The following MTRR variants were observed in gnomAD, a reference collection of about 807,000 sequenced individuals.
The protein encoded by MTRR is 5-methyltetrahydrofolate-homocysteine methyltransferase reductase, also known as methionine synthase reductase.
MTRR carries 63 observed loss-of-function variants against 79.2 expected under a neutral mutation model. The ratio of observed to expected loss-of-function variants is 0.80; its 90% CI spans 0.65 to 0.98. MTRR has a LOEUF of 0.98. Ranked by LOEUF, MTRR falls within the 50% of genes least tolerant of loss-of-function variation. The pLI, the probability that MTRR is intolerant of heterozygous loss-of-function variation, is 0.00. For missense variants in MTRR, 895 were observed against 839.6 expected (o/e 1.07, Z -0.82); for synonymous variants, 355 against 313.3 (o/e 1.13, Z -1.41).
rs747851597 is a variant in MTRR, at chr5:7,885,706, A to G, written c.909A>G (p.Thr303=). 6 of 1,613,228 alleles carry G rather than the reference A, an allele frequency of 3.7e-6. No homozygotes were observed. The highest frequency in any genetic ancestry group is 5.1e-6 in the Non-Finnish European group (6 of 1,179,764). Reference sequence around the variant, plus strand: ...TCATTTTGGCTCTTCTCTAGAATACAGACTTTTCCTATCAGCCTGGAGATG... The same window carrying G: ...TCATTTTGGCTCTTCTCTAGAATACGGACTTTTCCTATCAGCCTGGAGATG... ...TLLVELDISN[T]DFSYQPGDAF... Residue 303 remains threonine (T), a synonymous_variant, in exon 7 of 15, where the codon ACA becomes ACG. Coordinates refer to ENST00000440940, the MANE Select transcript of MTRR (RefSeq NM_002454.3).
chr5:7,889,277 T>C lies in MTRR; in HGVS notation c.1327+2T>C. On this transcript the variant is annotated splice_donor_variant, in intron 9 of 14. Coordinates refer to ENST00000440940, the MANE Select transcript of MTRR (RefSeq NM_002454.3). LOFTEE classifies it high-confidence loss of function. The stretch of plus-strand genomic sequence containing the variant: ...AGCCACCACTCAGTCTCCTGCTCGG[T>C]GAGTAGTCGCTTTCACAAGCACCTT... 6.2e-7 allele frequency: 1 copy of C among 1,612,478 alleles called. No individual in the cohort carries two copies. Among genetic ancestry groups the C allele is most frequent in the Non-Finnish European group, 8.5e-7 (1 of 1,179,988 alleles).
chr5:7,868,085 C>T (rs371947698), upstream of MTRR: 3 of 1,564,482 alleles, frequency 1.9e-6, no homozygotes, highest in Non-Finnish European at 2.6e-6. Flanking sequence ...TAATGCCATA[C>T]CATCAGATTC....
intron 14 of MTRR, among the ~76,000 whole-genome samples, chr5:7,898,822 C>G (rs1005737473): frequency 2.6e-5 from 4 of 152,170 alleles, no homozygotes; most frequent in African/African-American, 9.7e-5. Context: ...CAGCAAACAC[C>G]TGAGTGCTGG....
chr5:7,873,017 A>G (rs761245623), intron 2 of MTRR, among the ~76,000 whole-genome samples: 16 of 151,862 alleles, frequency 1.1e-4, no homozygotes, highest in Non-Finnish European at 1.8e-4. Flanking sequence ...ACTATATCCT[A>G]TTTCCTCTGA....
chr5:7,854,792 A>T (rs911986429), intron 1 of MTRR, among the ~76,000 whole-genome samples: 9 of 152,326 alleles, frequency 5.9e-5, no homozygotes, highest in African/African-American at 2.2e-4. Context: ...AGGAGCAAGG[A>T]GGCCAGTCTG....
chr5:7,871,100 T>A (rs1238355416), intron 2 of MTRR, among the ~76,000 whole-genome samples, 177 bp downstream of exon 2: 1 of 152,160 alleles, frequency 6.6e-6, no homozygotes, highest in Admixed American at 6.5e-5. Flanking sequence ...TATAGAAGTG[T>A]GTAGTTGAAT....
In MTRR at chr5:7,875,394, G is replaced by A; in HGVS notation, c.401+19G>A. 6.4e-7 allele frequency: 1 copy of A among 1,553,442 alleles called. No individual in the cohort carries two copies. Among genetic ancestry groups the A allele is most frequent in the Non-Finnish European group, 8.9e-7 (1 of 1,124,672 alleles). ...GTGTAGGGTAAGGGCAGTGTTCTCTGTTTACTCCAATAAGCCCTCTATACA... is the reference window on the plus strand; with the variant it reads ...GTGTAGGGTAAGGGCAGTGTTCTCTATTTACTCCAATAAGCCCTCTATACA... On this transcript the variant is annotated intron_variant, in intron 4 of 14. Coordinates refer to ENST00000440940, the MANE Select transcript of MTRR (RefSeq NM_002454.3).
chr5:7,855,742 T>C (rs1004705672), intron 1 of MTRR, among the ~76,000 whole-genome samples: 4 of 152,216 alleles, frequency 2.6e-5, no homozygotes, highest in African/African-American at 9.7e-5. Context: ...GTTATTAAGA[T>C]TGTTTCTTGT....
chr5:7,888,430 T>G (rs2126766412), intron 8 of MTRR, among the ~76,000 whole-genome samples: 1 of 152,354 alleles, frequency 6.6e-6, no homozygotes, highest in South Asian at 2.1e-4. Context: ...GATGTTTTTA[T>G]TATCTTGCCA....
upstream of MTRR, chr5:7,866,840 A>G (rs1246072531): frequency 2.5e-6 from 4 of 1,613,974 alleles, no homozygotes; most frequent in Non-Finnish European, 3.4e-6. Context: ...GAGTTTCCCA[A>G]ATGGTTCCAT....
intron 1 of MTRR, chr5:7,861,141 A>G (rs762161933): frequency 5.8e-6 from 9 of 1,540,518 alleles, no homozygotes; most frequent in South Asian, 2.3e-5. Context: ...AAATAGGTGA[A>G]ACCGTACCTG....
intron 1 of MTRR, among the ~76,000 whole-genome samples, chr5:7,855,420 G>A (rs371751473): frequency 4.1e-5 from 6 of 145,290 alleles, no homozygotes; most frequent in Admixed American, 6.8e-5. Context: ...CATTCCAGTG[G>A]AAAAAAAAAA....
Position 7,870,749 on chromosome 5 carries a change from CT to C in MTRR, c.-25-15del, listed in dbSNP as rs745584974. On this transcript the variant is annotated intron_variant, in intron 1 of 14. Coordinates refer to ENST00000440940, the MANE Select transcript of MTRR (RefSeq NM_002454.3). ...GTTACTGCTTCATTAAAAAGAGGAT[CT>C]TTTTTCCCCCATTTTTCAGTTTCAC... is the stretch of plus-strand genomic sequence containing the variant. The C allele has an allele frequency of 5.0e-6, 8 of 1,613,724 alleles. No homozygotes were observed. The African/African-American group carries it at 1.1e-4, about 22-fold the overall frequency.
chr5:7,873,530 A>C lies in MTRR; in HGVS notation c.283+4A>C. ...CACCTGCGGTATGGGTTACTGGGTA[A>C]TGGACTCTCTCTTCTGATCTTACTA... On this transcript the variant is annotated splice_donor_region_variant and intron_variant, in intron 3 of 14. Transcript: ENST00000440940. 6.2e-7 allele frequency: 1 copy of C among 1,614,096 alleles called. No homozygotes were observed. The highest frequency in any genetic ancestry group is 8.5e-7 in the Non-Finnish European group (1 of 1,179,954).
intron 11 of MTRR, among the ~76,000 whole-genome samples, chr5:7,894,729 G>A (rs1738213736): frequency 6.6e-6 from 1 of 152,170 alleles, no homozygotes; most frequent in South Asian, 2.1e-4. Flanking sequence ...ACATTGGGAA[G>A]TCATTACCCA....
upstream of MTRR, among the ~76,000 whole-genome samples, chr5:7,864,496 G>A (rs752217005): frequency 6.6e-5 from 10 of 151,886 alleles, no homozygotes; most frequent in Non-Finnish European, 1.2e-4. Flanking sequence ...AGTACAAATC[G>A]GGAAAATATG....
At chr5:7,879,631 A>C (rs1370624546) in intron 5 of MTRR, among the ~76,000 whole-genome samples, 5 of 152,208 alleles carry the variant, frequency 3.3e-5, no homozygotes, top group African/African-American at 7.2e-5. Flanking sequence ...GAATTGGGAA[A>C]AAAAGAATGT....
intron 8 of MTRR, among the ~76,000 whole-genome samples, chr5:7,887,568 A>T (rs1032590155): frequency 2.7e-5 from 4 of 147,052 alleles, no homozygotes; most frequent in Non-Finnish European, 3.0e-5. Context: ...ATATAGATTT[A>T]TATATATATA....
chr5:7,875,315 G>A lies in MTRR; in HGVS notation c.341G>A (p.Arg114Gln), dbSNP rs1748688661. Residue 114 changes from arginine (R) to glutamine (Q), a missense_variant, in exon 4 of 15, where the codon CGA becomes CAA. Arg to Gln is a conservative substitution (Grantham distance 43, BLOSUM62 1). Coordinates refer to ENST00000440940, the MANE Select transcript of MTRR (RefSeq NM_002454.3). ...AATGGGGGGAAGATAATTGATAAAC[G>A]ACTTCAAGAGCTTGGAGCCCGGCAT... ...FCNGGKIIDK[R>Q]LQELGARHFY... 2 of 1,613,884 alleles carry A rather than the reference G, an allele frequency of 1.2e-6. No individual in the cohort carries two copies. Among genetic ancestry groups the A allele is most frequent in the African/African-American group, 1.3e-5 (1 of 74,876 alleles).
Sources: allele counts gnomAD v4.1 joint callset (sites outside exome capture counted in the v4.1 genomes callset), GRCh38; gene constraint gnomAD v4.1.1; transcripts MANE v1.5; gene names NCBI Gene and HGNC (gene_info 2026-07-23, HGNC 2026-07-21).